The following INPP4B variants were observed in gnomAD, a reference collection of about 807,000 sequenced individuals.
INPP4B encodes inositol polyphosphate-4-phosphatase type II B, also known as inositol polyphosphate 4-phosphatase type II.
In INPP4B, 55 loss-of-function variants were observed where a neutral mutation model predicts 122.5. The observed-to-expected ratio is 0.45, with a 90% CI of 0.36 to 0.56. The LOEUF (loss-of-function observed/expected upper bound fraction) is 0.56, where lower values mean the gene tolerates loss of function less well. Among genes scored for constraint, INPP4B ranks in the 20% least tolerant of loss-of-function variants. INPP4B has a pLI of 0.00. For synonymous variants in INPP4B, 403 were observed against 388.7 expected (o/e 1.04, Z -0.43); for missense variants, 1,000 against 1,097.7 (o/e 0.91, Z 1.26).
At chr4:142,711,131 T>C (rs1763064967) in intron 2 of INPP4B, among the ~76,000 whole-genome samples, 1 of 152,174 alleles carries the variant, frequency 6.6e-6, no homozygotes, top group Non-Finnish European at 1.5e-5. Flanking sequence ...AGAATGGCCT[T>C]AGTGAAAGGA....
intron 16 of INPP4B, among the ~76,000 whole-genome samples, chr4:142,160,848 G>A (rs1347831380): frequency 6.6e-6 from 1 of 152,114 alleles, no homozygotes; most frequent in African/African-American, 2.4e-5. Flanking sequence ...CACAAATCCT[G>A]TCTTTGGAGA....
At chr4:142,676,174 A>G (rs1352749116) in intron 2 of INPP4B, among the ~76,000 whole-genome samples, 7 of 152,206 alleles carry the variant, frequency 4.6e-5, no homozygotes, top group Admixed American at 2.6e-4. Flanking sequence ...ATGAATGTGC[A>G]AAAATCACAA....
intron 24 of INPP4B, among the ~76,000 whole-genome samples, chr4:142,083,842 C>G (rs1389378758): frequency 6.6e-6 from 1 of 151,856 alleles, no homozygotes; most frequent in Non-Finnish European, 1.5e-5. Context: ...ATAAAATAGA[C>G]CATAATGGCT....
At chr4:142,286,550 A>G (rs1364382618) in intron 9 of INPP4B, among the ~76,000 whole-genome samples, 1 of 152,194 alleles carries the variant, frequency 6.6e-6, no homozygotes, top group Non-Finnish European at 1.5e-5. Context: ...AACCCTGGAT[A>G]TAGCTTTTTT....
At chr4:142,280,273 C>CA (rs1561727285) in intron 9 of INPP4B, among the ~76,000 whole-genome samples, 1 of 151,626 alleles carries the variant, frequency 6.6e-6, no homozygotes, top group South Asian at 2.1e-4. Flanking sequence ...TCATAATAGC[C>CA]AAAAAACTGG....
intron 1 of INPP4B, among the ~76,000 whole-genome samples, chr4:142,812,237 C>A (rs754282801): frequency 1.3e-5 from 2 of 152,144 alleles, no homozygotes; most frequent in Non-Finnish European, 2.9e-5. Context: ...CCCACACACC[C>A]ATGGTATTTT....
intron 2 of INPP4B, among the ~76,000 whole-genome samples, chr4:142,579,050 T>C (rs982857875): frequency 1.3e-5 from 2 of 151,976 alleles, no homozygotes; most frequent in African/African-American, 4.8e-5. Context: ...AAACCTAACA[T>C]GTTAAATATT....
At chr4:142,400,594 T>C (rs1189718933) in intron 7 of INPP4B, among the ~76,000 whole-genome samples, 8 of 152,210 alleles carry the variant, frequency 5.3e-5, no homozygotes, top group Non-Finnish European at 1.0e-4. Flanking sequence ...TGTGTTTCTA[T>C]GTACACTTCC....
chr4:142,254,604 G>C (rs1321304056), intron 11 of INPP4B, among the ~76,000 whole-genome samples: 1 of 152,176 alleles, frequency 6.6e-6, no homozygotes, highest in Non-Finnish European at 1.5e-5. Flanking sequence ...AAGGGTATCA[G>C]CGATGGAAGA....
At chr4:142,771,369 G>A (rs1407511747) in intron 1 of INPP4B, among the ~76,000 whole-genome samples, 1 of 152,140 alleles carries the variant, frequency 6.6e-6, no homozygotes, top group Non-Finnish European at 1.5e-5. Flanking sequence ...ATGATCTGAT[G>A]TACATCCTAG....
At chr4:142,282,326 G>C (rs967781026) in intron 9 of INPP4B, among the ~76,000 whole-genome samples, 1 of 152,228 alleles carries the variant, frequency 6.6e-6, no homozygotes, top group Admixed American at 6.5e-5. Flanking sequence ...TGCCAATGTG[G>C]CTAAAGCTAG....
chr4:142,046,106 C>T (rs559051035), intron 25 of INPP4B, among the ~76,000 whole-genome samples: 40 of 151,866 alleles, frequency 2.6e-4, no homozygotes, highest in Admixed American at 4.6e-4. Flanking sequence ...ACAAAACAAA[C>T]TTTGAGAAGG....
chr4:142,409,723 C>T (rs574831612), intron 5 of INPP4B, among the ~76,000 whole-genome samples: 1 of 152,292 alleles, frequency 6.6e-6, no homozygotes, highest in South Asian at 2.1e-4. Context: ...TTCTCCAAAG[C>T]TTGAAATCCC....
intron 2 of INPP4B, among the ~76,000 whole-genome samples, chr4:142,654,867 T>C (rs1337554029): frequency 3.3e-5 from 5 of 152,168 alleles, no homozygotes; most frequent in Admixed American, 6.5e-5. Flanking sequence ...TTCCAAAGCA[T>C]GAAGTGACAC....
chr4:142,323,233 G>A (rs1174881179), intron 7 of INPP4B, among the ~76,000 whole-genome samples: 1 of 152,018 alleles, frequency 6.6e-6, no homozygotes, highest in East Asian at 1.9e-4. Flanking sequence ...AAGTCTGTTA[G>A]AAATGCAGTA....
At chr4:142,631,009 A>G (rs1402665580) in intron 2 of INPP4B, among the ~76,000 whole-genome samples, 1 of 152,132 alleles carries the variant, frequency 6.6e-6, no homozygotes, top group East Asian at 1.9e-4. Flanking sequence ...CAGAAAAATG[A>G]CATCATGCTA....
intron 2 of INPP4B, among the ~76,000 whole-genome samples, chr4:142,485,692 A>T (rs574129428): frequency 1.3e-5 from 2 of 152,284 alleles, no homozygotes; most frequent in South Asian, 4.1e-4. Flanking sequence ...GAACTGAACA[A>T]ATGTGACTCT....
intron 1 of INPP4B, among the ~76,000 whole-genome samples, chr4:142,749,635 C>T (rs1769341284): frequency 6.6e-6 from 1 of 151,814 alleles, no homozygotes; most frequent in African/African-American, 2.4e-5. Context: ...TTGTGTCCAC[C>T]TTGCTGTATA....
chr4:142,307,347 A>T (rs888546517), intron 8 of INPP4B, among the ~76,000 whole-genome samples: 7 of 152,050 alleles, frequency 4.6e-5, no homozygotes, highest in Admixed American at 1.3e-4. Flanking sequence ...CTCTATTGAC[A>T]CTTATGACCA....
Sources: allele counts gnomAD v4.1 joint callset (sites outside exome capture counted in the v4.1 genomes callset), GRCh38; gene constraint gnomAD v4.1.1; transcripts MANE v1.5; gene names NCBI Gene and HGNC (gene_info 2026-07-23, HGNC 2026-07-21).